The following GLI3 variants were observed in gnomAD, a reference collection of about 807,000 sequenced individuals.
GLI3 encodes the protein transcription activator GLI3.
In GLI3, 20 loss-of-function variants were observed where a neutral mutation model predicts 100.8. The ratio of observed to expected loss-of-function variants is 0.20; its 90% CI spans 0.14 to 0.29. GLI3 has a LOEUF of 0.29. Ranked by LOEUF, GLI3 falls within the 10% of genes least tolerant of loss-of-function variation. The pLI is 1.00. For missense variants in GLI3, 2,040 were observed against 2,128.5 expected, an observed-to-expected ratio of 0.96 and a Z score of 0.82; for synonymous variants, 938 against 860.5, an observed-to-expected ratio of 1.09 and a Z score of -1.58.
At chr7:42,127,655 A>G (rs1786167096) in intron 3 of GLI3, among the ~76,000 whole-genome samples, 1 of 152,220 alleles carries the variant, frequency 6.6e-6, no homozygotes, top group Admixed American at 6.5e-5. Flanking sequence ...GCGTATTTTT[A>G]TTTCTCCAAG....
intron 3 of GLI3, among the ~76,000 whole-genome samples, chr7:42,086,337 A>AG (rs1335619264): frequency 6.6e-6 from 1 of 152,170 alleles, no homozygotes; most frequent in Non-Finnish European, 1.5e-5. Context: ...CTTCAGAACC[A>AG]GGGCTCTTAG....
intron 10 of GLI3, among the ~76,000 whole-genome samples, chr7:41,995,505 C>T (rs893860596): frequency 6.6e-6 from 1 of 152,014 alleles, no homozygotes; most frequent in Non-Finnish European, 1.5e-5. Context: ...CAGAAGCTTA[C>T]CTAATAGTGC....
upstream of GLI3, among the ~76,000 whole-genome samples, chr7:42,240,334 A>G (rs1788911930): frequency 6.6e-6 from 1 of 152,230 alleles, no homozygotes; most frequent in Non-Finnish European, 1.5e-5. Flanking sequence ...AGTAGGAGAT[A>G]CTTGAAGATA....
At chr7:42,149,898 A>G (rs1786814792) in intron 2 of GLI3, 1 of 152,262 alleles carries the variant, frequency 6.6e-6, no homozygotes, top group Admixed American at 6.5e-5. Context: ...GCATAAAAAT[A>G]CAAACCGAAA....
intron 3 of GLI3, among the ~76,000 whole-genome samples, chr7:42,099,298 T>C (rs1481947343): frequency 6.6e-6 from 1 of 152,188 alleles, no homozygotes; most frequent in Non-Finnish European, 1.5e-5. Context: ...CTTTGAGTGA[T>C]TACTTCCTTT....
chr7:42,097,104 G>C (rs1785357172), intron 3 of GLI3, among the ~76,000 whole-genome samples: 2 of 152,218 alleles, frequency 1.3e-5, no homozygotes, highest in Admixed American at 1.3e-4. Flanking sequence ...AAAGGAGACA[G>C]ACAGAGATAG....
chr7:42,083,060 C>A (rs185677273), intron 3 of GLI3, among the ~76,000 whole-genome samples: 1 of 152,150 alleles, frequency 6.6e-6, no homozygotes, highest in African/African-American at 2.4e-5. Flanking sequence ...CAATTATACT[C>A]TCTTCATTAT....
In GLI3 at chr7:41,965,427, G is replaced by A. The variant is rs112234184; in HGVS notation, c.3646C>T (p.Leu1216Phe). ...RSGPAGGYQT[L>F]GENSNPYGGP... ...CCGTAGGGGTTGCTGTTCTCCCCGA[G>A]GGTCTGATAGCCCCCAGCAGGCCCG... Residue 1216 changes from leucine to phenylalanine, a missense_variant, in exon 15 of 15, where the codon CTC becomes TTC. By Grantham distance (22) the Leu-to-Phe change is conservative (BLOSUM62 0). This residue lies in a region of GLI3 where 1,041 missense variants were observed against 924.0 expected (regional missense o/e 1.13). Coordinates refer to ENST00000395925, the MANE Select transcript of GLI3 (RefSeq NM_000168.6). 8.1e-6 allele frequency: 13 copies of A among 1,607,736 alleles called. No homozygotes were observed. The highest frequency in any genetic ancestry group is 4.0e-5 in the African/African-American group (3 of 74,992).
chr7:42,124,735 C>G (rs190565307), intron 3 of GLI3, among the ~76,000 whole-genome samples: 12 of 152,086 alleles, frequency 7.9e-5, no homozygotes, highest in African/African-American at 2.9e-4. Flanking sequence ...TTCAAAGTGT[C>G]GGGACAAAGT....
At chr7:42,044,989 G>A (rs1185692576) in intron 6 of GLI3, among the ~76,000 whole-genome samples, 1 of 152,156 alleles carries the variant, frequency 6.6e-6, no homozygotes, top group Non-Finnish European at 1.5e-5. Context: ...CTGGGCTCAA[G>A]TGATCCTTCA....
At chr7:42,217,905 C>G (rs1419545732) in intron 2 of GLI3, among the ~76,000 whole-genome samples, 2 of 152,182 alleles carry the variant, frequency 1.3e-5, no homozygotes, top group Non-Finnish European at 2.9e-5. Flanking sequence ...CTAACGTTTG[C>G]AGAGTCCTTC....
chr7:42,022,866 T>A (rs1055306805), intron 10 of GLI3, among the ~76,000 whole-genome samples: 1 of 152,142 alleles, frequency 6.6e-6, no homozygotes, highest in Admixed American at 6.5e-5. Flanking sequence ...AGAGGAGGTG[T>A]GGTTCTCAAT....
chr7:42,145,622 G>GAAAA (rs59890189), intron 3 of GLI3: 46 of 356,040 alleles, frequency 1.3e-4, no homozygotes, highest in Non-Finnish European at 1.4e-4. Flanking sequence ...AAGAAAGAAA[G>GAAAA]AAAAAAAAAA....
chr7:42,126,684 C>T (rs1786140998), intron 3 of GLI3, among the ~76,000 whole-genome samples: 1 of 152,210 alleles, frequency 6.6e-6, no homozygotes, highest in African/African-American at 2.4e-5. Context: ...CAAGAAGTCA[C>T]ATAACCACAC....
intron 4 of GLI3, among the ~76,000 whole-genome samples, chr7:42,056,982 C>CAAA (rs11322222): frequency 9.7e-6 from 1 of 102,736 alleles, no homozygotes. Flanking sequence ...AACTCCGTCT[C>CAAA]AAAAAAAAAA....
intron 1 of GLI3, among the ~76,000 whole-genome samples, chr7:42,225,368 T>C (rs1047405454): frequency 6.6e-6 from 1 of 152,194 alleles, no homozygotes; most frequent in Non-Finnish European, 1.5e-5. Context: ...TTTTCGGTTT[T>C]GTTTCTTTTG....
chr7:42,143,917 T>C (rs564995090), intron 3 of GLI3, among the ~76,000 whole-genome samples: 200 of 152,240 alleles, frequency 1.3e-3, no homozygotes, highest in African/African-American at 4.6e-3. Flanking sequence ...ATCTTTCTGC[T>C]CCCTTTACCA....
intron 10 of GLI3, among the ~76,000 whole-genome samples, chr7:41,995,132 G>T (rs1470349682): frequency 6.6e-6 from 1 of 152,206 alleles, no homozygotes; most frequent in Admixed American, 6.5e-5. Context: ...GCAAAATGAT[G>T]TCTGTATATT....
intron 3 of GLI3, among the ~76,000 whole-genome samples, chr7:42,144,221 G>A (rs1786645827): frequency 6.6e-6 from 1 of 152,184 alleles, no homozygotes; most frequent in African/African-American, 2.4e-5. Flanking sequence ...CAGAGCATGG[G>A]CAGAAGAAAA....
Sources: gnomAD v4.1 joint callset for allele counts (sites outside exome capture counted in the v4.1 genomes callset) on GRCh38, gnomAD v4.1.1 for gene constraint, gnomAD v4.1.1 regional missense constraint, MANE v1.5 for transcripts, NCBI Gene and HGNC (gene_info 2026-07-23, HGNC 2026-07-21) for gene names.